The following MYO7B variants were observed in gnomAD, a reference collection of about 807,000 sequenced individuals.
MYO7B encodes the protein myosin VIIB, also known as unconventional myosin-VIIb.
A neutral mutation model predicts 259.7 loss-of-function variants in MYO7B; 212 were observed. The ratio of observed to expected loss-of-function variants is 0.82; its 90% CI spans 0.73 to 0.91. MYO7B has a LOEUF of 0.91. Among genes scored for constraint, MYO7B ranks in the 40% least tolerant of loss-of-function variants. MYO7B has a pLI of 0.00. For synonymous variants in MYO7B, 1,197 were observed against 1,166.4 expected (o/e 1.03, Z -0.54); for missense variants, 2,732 against 2,813.5 (o/e 0.97, Z 0.66).
intron 6 of MYO7B, among the ~76,000 whole-genome samples, chr2:127,570,933 T>A (rs1399094281): frequency 6.6e-6 from 1 of 152,230 alleles, no homozygotes; most frequent in African/African-American, 2.4e-5. Flanking sequence ...GATTCATTCC[T>A]TTTTAATGCT....
intron 27 of MYO7B, among the ~76,000 whole-genome samples, chr2:127,621,395 G>C (rs1680835344): frequency 6.6e-6 from 1 of 151,900 alleles, no homozygotes; most frequent in Admixed American, 6.6e-5. Flanking sequence ...CGAGTAGCTG[G>C]CATTACAGGT....
chr2:127,633,372 C>G lies in MYO7B; in HGVS notation c.5511+9C>G. The G allele has an allele frequency of 1.2e-6, 2 of 1,611,126 alleles. No homozygotes were observed. Among genetic ancestry groups the G allele is most frequent in the East Asian group, 4.5e-5 (2 of 44,830 alleles). ...CCAATGACACCAGTGAGGTGAGGCC[C>G]TGCTCTGGTCTGCACGGCAAGTCTC... On this transcript the variant is annotated intron_variant, in intron 40 of 47. Transcript: ENST00000409816.
intron 1 of MYO7B, among the ~76,000 whole-genome samples, chr2:127,543,754 T>A (rs116283350): frequency 0.098 from 14,626 of 148,600 alleles, 2,153 homozygotes; most frequent in African/African-American, 0.32. Flanking sequence ...ATATATATAT[T>A]TTTTTTTTGA....
rs531088842 is a variant in MYO7B at position 127,555,204 on chromosome 2, C to T, written c.-23-4496C>T. ...CCTCGTGACCCACTCGCCTTGGCCT[C>T]CCAAAGTGCTGGGATTACAGGCTTG... On this transcript the variant is annotated intron_variant, in intron 1 of 47. Coordinates refer to ENST00000409816, the MANE Select transcript of MYO7B (RefSeq NM_001393586.1). 5.3e-5 allele frequency among the ~76,000 whole-genome samples: 8 copies of T among 152,284 alleles called. No individual in the cohort carries two copies. In the East Asian group the frequency reaches 1.5e-3, roughly 29 times the overall value.
At position 127,571,450 on chromosome 2, in the gene MYO7B, T is replaced by TTTGTTTTTTTTTTTTTTG. The variant is rs1553448486; in HGVS notation, c.592+1542_592+1543insGTTTTTTTTTTTTTTGTT. On this transcript the variant is annotated intron_variant, in intron 6 of 47. Transcript: ENST00000409816. ...TATTTCCTTACCAGTGAGTTTTTTT[T>TTTGTTTTTTTTTTTTTTG]TTTTTTTTTGCTTGTTTGTTTTTTG... Among the ~76,000 whole-genome samples the TTTGTTTTTTTTTTTTTTG allele has an allele frequency of 5.0e-5, 7 of 141,274 alleles. 1 individual carries two copies. The highest frequency in any genetic ancestry group is 1.6e-4 in the African/African-American group (6 of 38,596). 92.7% of individuals were successfully genotyped at this position (141,274 alleles called of 152,430 possible). A position where few individuals can be genotyped will look rare whatever the true frequency, so the allele number is the denominator to read the frequency against.
Position 127,564,860 on chromosome 2 carries a change from TA to T in MYO7B, c.133-367del, listed in dbSNP as rs1678264027. Among the ~76,000 whole-genome samples the T allele has an allele frequency of 2.0e-5, 3 of 152,352 alleles. No individual in the cohort carries two copies. In the South Asian group the frequency reaches 6.2e-4, roughly 32 times the overall value. On this transcript the variant is annotated intron_variant, in intron 3 of 47. Coordinates refer to ENST00000409816, the MANE Select transcript of MYO7B (RefSeq NM_001393586.1). ...CTATTTGTGTGACACTGTAGTTTTTTAAAAAAGCTTTTACTTGCACAGTCTT... is the reference window on the plus strand; with the variant it reads ...CTATTTGTGTGACACTGTAGTTTTTTAAAAAGCTTTTACTTGCACAGTCTT...
rs1166120172 is a variant in MYO7B, at chr2:127,539,800, C to T, written c.-24+3969C>T. Among the ~76,000 whole-genome samples, 1 of 152,208 alleles carries T rather than the reference C, an allele frequency of 6.6e-6. No individual in the cohort carries two copies. Among genetic ancestry groups the T allele is most frequent in the African/African-American group, 2.4e-5 (1 of 41,456 alleles). Reference sequence around the variant, plus strand: ...TATCACCACAGCAGTGTACACTGCACCCAATGTGTAGTCTTTTGTTGCTCA... The same window carrying T: ...TATCACCACAGCAGTGTACACTGCATCCAATGTGTAGTCTTTTGTTGCTCA... On this transcript the variant is annotated intron_variant, in intron 1 of 47. Transcript: ENST00000409816. This position sits in a 1 kb window ranked among gnomAD's most constrained non-coding sequence, Gnocchi z 4.0.
intron 35 of MYO7B, 44 bp downstream of exon 35, chr2:127,629,870 C>T (rs1282033250): frequency 1.3e-6 from 2 of 1,511,588 alleles, no homozygotes; most frequent in Non-Finnish European, 1.8e-6. Flanking sequence ...TACCCGAGGT[C>T]AGGGTGGAGC....
rs182212225 is a variant in MYO7B, at chr2:127,619,983, G to A, written c.3399-357G>A. On this transcript the variant is annotated intron_variant, in intron 26 of 47. Coordinates refer to ENST00000409816, the MANE Select transcript of MYO7B (RefSeq NM_001393586.1). ...GGGAGGTGGGGCCTCAAGGCAGAGAGAGAAATGACTGTAATCACCGTGAGA... is the reference window on the plus strand; with the variant it reads ...GGGAGGTGGGGCCTCAAGGCAGAGAAAGAAATGACTGTAATCACCGTGAGA... 2.9e-3 allele frequency: 484 copies of A among 166,916 alleles called. 6 individuals are homozygous for A. Among genetic ancestry groups the A allele is most frequent in the South Asian group, 6.3e-3 (32 of 5,076 alleles). The allele number at this position is 166,916 out of a possible 1,614,324, so 10.3% of individuals were successfully genotyped here.
chr2:127,589,022 G>C (rs1436479973), intron 15 of MYO7B, among the ~76,000 whole-genome samples: 1 of 147,498 alleles, frequency 6.8e-6, no homozygotes, highest in East Asian at 2.1e-4. Flanking sequence ...ATGGGTGGTG[G>C]GTGGGTGGAT....
chr2:127,620,410 T>C lies in MYO7B; in HGVS notation c.3469T>C (p.Trp1157Arg). Reference protein sequence around the residue: ...NFKTSSLARGWILLSLCLGCF... With the variant: ...NFKTSSLARGRILLSLCLGCF... ...CAAAACAAGCAGCCTGGCCCGGGGCTGGATCCTGCTCAGCCTCTGCCTCGG... is the reference window on the plus strand; with the variant it reads ...CAAAACAAGCAGCCTGGCCCGGGGCCGGATCCTGCTCAGCCTCTGCCTCGG... The change falls in exon 27 of 48, where the codon TGG (tryptophan) becomes CGG (arginine). Residue 1157 changes from tryptophan (W) to arginine (R), a missense_variant. Coordinates refer to ENST00000409816, the MANE Select transcript of MYO7B (RefSeq NM_001393586.1). 6.3e-7 allele frequency: 1 copy of C among 1,585,952 alleles called. No homozygotes were observed. Among genetic ancestry groups the C allele is most frequent in the Non-Finnish European group, 8.6e-7 (1 of 1,162,672 alleles).
rs61738660 is a variant in MYO7B, at chr2:127,634,598, C to T, written c.5628C>T (p.Val1876=). 3,064 of 1,611,200 alleles carry T rather than the reference C, an allele frequency of 1.9e-3. 56 individuals are homozygous for T. The African/African-American group carries it at 0.037, about 20-fold the overall frequency. Residue 1876 remains valine, a splice_region_variant and synonymous_variant, in exon 42 of 48, where the codon GTC becomes GTT. Coordinates refer to ENST00000409816, the MANE Select transcript of MYO7B (RefSeq NM_001393586.1). ...CCCTGTACCTTCCCCTTCCCCAGGT[C>T]ATCAGCCAGAAGGAGGGAGACTTCT... is the stretch of plus-strand genomic sequence containing the variant. ...CSLFIKISDK[V]ISQKEGDFFF... is the part of the protein sequence containing the mutation.
chr2:127,576,909 A>G lies in MYO7B; in HGVS notation c.849+201A>G, dbSNP rs1247906639. Among the ~76,000 whole-genome samples, 1 of 151,690 alleles carries G rather than the reference A, an allele frequency of 6.6e-6. No homozygotes were observed. Among genetic ancestry groups the G allele is most frequent in the African/African-American group, 2.4e-5 (1 of 41,250 alleles). ...CGCGTGCCTCCCGCTTCCCCGTCAC[A>G]TGTACCCCATGCCCCAGGCTGGACC... On this transcript the variant is annotated intron_variant, in intron 8 of 47. Transcript: ENST00000409816. This position sits in a 1 kb window ranked among gnomAD's most constrained non-coding sequence, Gnocchi z 4.9.
Position 127,574,557 on chromosome 2 carries a change from A to T in MYO7B, c.735+495A>T, listed in dbSNP as rs1304453395. Among the ~76,000 whole-genome samples the T allele has an allele frequency of 2.0e-5, 3 of 152,218 alleles. No homozygotes were observed. In the East Asian group the frequency reaches 5.8e-4, roughly 29 times the overall value. On this transcript the variant is annotated intron_variant, in intron 7 of 47. Transcript: ENST00000409816. ...TCTGTCTCAAAAAAGACTTTTCTCC[A>T]TTTTGAATTTTCCATTCACATACAT...
chr2:127,629,939 G>A, intron 35 of MYO7B, 113 bp downstream of exon 35: 1 of 1,159,886 alleles, frequency 8.6e-7, no homozygotes, highest in Non-Finnish European at 1.1e-6. Flanking sequence ...CCTAGCAGAG[G>A]CCAGGAGGGC....
chr2:127,627,498 G>T lies in MYO7B; in HGVS notation c.4460+188G>T. 1 of 815,064 alleles carries T rather than the reference G, an allele frequency of 1.2e-6. No individual in the cohort carries two copies. Among genetic ancestry groups the T allele is most frequent in the Non-Finnish European group, 2.0e-6 (1 of 492,750 alleles). The allele number at this position is 815,064 out of a possible 1,614,324, so 50.5% of individuals were successfully genotyped here. ...CCACCCTCCTGCACCAGGCCGTACT[G>T]CCCATGAAGTACTCCATTGGGGCAT... is the stretch of plus-strand genomic sequence containing the variant. On this transcript the variant is annotated intron_variant, in intron 33 of 47. Transcript: ENST00000409816. This position sits in a 1 kb window ranked among gnomAD's most constrained non-coding sequence, Gnocchi z 5.6.
intron 24 of MYO7B, 124 bp from the exon 25 acceptor site, chr2:127,612,126 T>C: frequency 2.2e-6 from 1 of 445,546 alleles, no homozygotes; most frequent in Admixed American, 2.4e-5. Context: ...CATGGTGCTT[T>C]ATAAATCGGG....
chr2:127,604,097 C>T (rs1199386065), intron 19 of MYO7B, among the ~76,000 whole-genome samples: 1 of 152,190 alleles, frequency 6.6e-6, no homozygotes, highest in Non-Finnish European at 1.5e-5. Context: ...CACGCCACTG[C>T]ACTCCAGCCT....
intron 1 of MYO7B, among the ~76,000 whole-genome samples, chr2:127,552,698 G>T (rs1693492205): frequency 6.6e-6 from 1 of 152,108 alleles, no homozygotes; most frequent in Non-Finnish European, 1.5e-5. Flanking sequence ...CAGGACCACG[G>T]GTGGGCCTCA....
Sources: allele counts gnomAD v4.1 joint callset (sites outside exome capture counted in the v4.1 genomes callset), GRCh38; gene constraint gnomAD v4.1.1; non-coding constraint Gnocchi (gnomAD v3.1); transcripts MANE v1.5; gene names NCBI Gene and HGNC (gene_info 2026-07-23, HGNC 2026-07-21).